Variants in VRK2 observed in about 807,000 individuals in gnomAD.
The protein encoded by VRK2 is serine/threonine-protein kinase VRK2.
In VRK2, 60 loss-of-function variants were observed where a neutral mutation model predicts 57.6. The ratio of observed to expected loss-of-function variants is 1.04; its 90% CI spans 0.85 to 1.29. The LOEUF (loss-of-function observed/expected upper bound fraction) is 1.29. VRK2 is among the 50% of genes most tolerant of loss of function. The pLI is 0.00. For synonymous variants in VRK2, 231 were observed against 199.2 expected, an observed-to-expected ratio of 1.16 and a Z score of -1.35; for missense variants, 705 against 588.1, an observed-to-expected ratio of 1.20 and a Z score of -2.06.
chr2:58,020,307 G>C (rs930545784), intron 1 of VRK2, among the ~76,000 whole-genome samples: 3 of 152,222 alleles, frequency 2.0e-5, no homozygotes, highest in Non-Finnish European at 2.9e-5. Context: ...TTGGCCTCAA[G>C]CAATCCTCCC....
Position 58,046,858 on chromosome 2 carries a change from C to G in VRK2, c.-16C>G, listed in dbSNP as rs964954799. ...TGCGCGCGGCCCGGCGACGGGGGATCCTGAGGCCCGGTCAGTCTCTTGCTC... is the reference window on the plus strand; with the variant it reads ...TGCGCGCGGCCCGGCGACGGGGGATGCTGAGGCCCGGTCAGTCTCTTGCTC... On this transcript the variant is annotated 5_prime_UTR_variant, in exon 1 of 13. It adds an upstream start codon to the 5' untranslated region. Coordinates refer to ENST00000340157, the MANE Select transcript of VRK2 (RefSeq NM_006296.7). The G allele has an allele frequency of 1.0e-6, 1 of 985,270 alleles. No homozygotes were observed. The highest frequency in any genetic ancestry group is 1.7e-5 in the African/African-American group (1 of 57,226). The allele number at this position is 985,270 out of a possible 1,614,324, so 61.0% of individuals were successfully genotyped here.
chr2:58,046,569 GGGT>G, upstream of VRK2: 1 of 985,648 alleles, frequency 1.0e-6, no homozygotes. Context: ...TGGCGGGCCA[GGGT>G]GGAGGTAGTA....
At chr2:57,944,618 C>A (rs1274065604) in intron 1 of VRK2, among the ~76,000 whole-genome samples, 1 of 152,132 alleles carries the variant, frequency 6.6e-6, no homozygotes, top group East Asian at 1.9e-4. Context: ...CGCCTGTAAT[C>A]CCAGCTACTC....
intron 2 of VRK2, among the ~76,000 whole-genome samples, chr2:58,026,072 C>T (rs1192908889): frequency 1.3e-5 from 2 of 152,100 alleles, no homozygotes; most frequent in Non-Finnish European, 2.9e-5. Context: ...TTTAATACTT[C>T]AACTATTCCA....
intron 10 of VRK2, among the ~76,000 whole-genome samples, chr2:58,136,941 T>G (rs1220199887): frequency 7.3e-6 from 1 of 136,256 alleles, no homozygotes; most frequent in African/African-American, 2.8e-5. Context: ...TCATATATAT[T>G]ATATATCATA....
intron 1 of VRK2, among the ~76,000 whole-genome samples, chr2:57,967,921 A>C (rs534739376): frequency 7.2e-5 from 11 of 152,268 alleles, no homozygotes; most frequent in Admixed American, 2.0e-4. Flanking sequence ...AGAAAACAAC[A>C]AATACAAAAC....
At chr2:58,069,230 C>T (rs1330167872) in intron 2 of VRK2, among the ~76,000 whole-genome samples, 1 of 152,154 alleles carries the variant, frequency 6.6e-6, no homozygotes, top group Non-Finnish European at 1.5e-5. Context: ...GTTTGGGGTA[C>T]AGTGTTCGTT....
intron 12 of VRK2, among the ~76,000 whole-genome samples, chr2:58,154,320 T>G (rs1338435571): frequency 6.7e-6 from 1 of 148,270 alleles, no homozygotes; most frequent in African/African-American, 2.6e-5. Flanking sequence ...GCTTTGGATT[T>G]CTTTTTTTTT....
chr2:58,127,367 T>G (rs931202088), intron 8 of VRK2, among the ~76,000 whole-genome samples: 1 of 152,156 alleles, frequency 6.6e-6, no homozygotes, highest in Non-Finnish European at 1.5e-5. Context: ...ATTGGCCAAG[T>G]CTAAGATACA....
At chr2:58,116,480 A>C (rs1391643225) in intron 7 of VRK2, among the ~76,000 whole-genome samples, 4 of 152,086 alleles carry the variant, frequency 2.6e-5, no homozygotes, top group Non-Finnish European at 4.4e-5. Context: ...GGGGAGTTTT[A>C]AGAGGTTTAG....
chr2:58,088,310 A>G (rs972938707), intron 5 of VRK2, 31 bp from the exon 6 acceptor site: 1 of 1,462,792 alleles, frequency 6.8e-7, no homozygotes. Context: ...CTTTCTCAGG[A>G]TGATCTCTTT....
intron 3 of VRK2, among the ~76,000 whole-genome samples, chr2:58,033,828 G>T (rs1358522926): frequency 1.3e-5 from 2 of 151,796 alleles, no homozygotes; most frequent in Admixed American, 1.3e-4. Flanking sequence ...CCCCAGTTTG[G>T]TCATCCACAG....
intron 2 of VRK2, among the ~76,000 whole-genome samples, chr2:58,057,204 A>G (rs543079399): frequency 1.3e-5 from 2 of 152,222 alleles, no homozygotes; most frequent in South Asian, 4.1e-4. Context: ...GAACTGTTCT[A>G]TTATGATTTT....
At chr2:57,921,300 A>G (rs982380213) in intron 1 of VRK2, among the ~76,000 whole-genome samples, 1 of 151,484 alleles carries the variant, frequency 6.6e-6, no homozygotes, top group Non-Finnish European at 1.5e-5. Context: ...ACACACACAC[A>G]CACACACACA....
intron 1 of VRK2, among the ~76,000 whole-genome samples, chr2:57,994,015 T>A (rs1490530022): frequency 6.6e-6 from 1 of 152,228 alleles, no homozygotes; most frequent in Non-Finnish European, 1.5e-5. Flanking sequence ...CTTTCAAGTC[T>A]TATAGAAAAA....
At chr2:58,023,947 A>G (rs1673841689) in intron 1 of VRK2, among the ~76,000 whole-genome samples, 1 of 152,036 alleles carries the variant, frequency 6.6e-6, no homozygotes, top group African/African-American at 2.4e-5. Context: ...ACAATTGAGT[A>G]TTAATGATGA....
intron 1 of VRK2, among the ~76,000 whole-genome samples, chr2:57,946,725 T>C (rs1295597961): frequency 6.6e-6 from 1 of 152,162 alleles, no homozygotes; most frequent in African/African-American, 2.4e-5. Context: ...TTCTAAATTA[T>C]ATTCTGAAAT....
intron 1 of VRK2, among the ~76,000 whole-genome samples, chr2:57,955,944 CAA>C (rs1671573826): frequency 6.6e-6 from 1 of 152,062 alleles, no homozygotes; most frequent in Admixed American, 6.6e-5. Context: ...GGTTAACAAA[CAA>C]AGAAGGTTTT....
chr2:57,914,367 G>C (rs141907330), intron 1 of VRK2, among the ~76,000 whole-genome samples: 1 of 151,792 alleles, frequency 6.6e-6, no homozygotes, highest in Admixed American at 6.6e-5. Flanking sequence ...TAAAACCTTA[G>C]TTAATATCAG....
Sources: gnomAD v4.1 joint callset for allele counts (sites outside exome capture counted in the v4.1 genomes callset) on GRCh38, gnomAD v4.1.1 for gene constraint, MANE v1.5 for transcripts, NCBI Gene and HGNC (gene_info 2026-07-23, HGNC 2026-07-21) for gene names.